Variants in GLI3 observed in about 807,000 individuals in gnomAD.
GLI3 encodes GLI family zinc finger 3, also known as transcription activator GLI3.
A neutral mutation model predicts 100.8 loss-of-function variants in GLI3; 20 were observed. The observed-to-expected ratio is 0.20, with a 90% CI of 0.14 to 0.29. The LOEUF (loss-of-function observed/expected upper bound fraction) is 0.29, where lower values mean the gene tolerates loss of function less well. Among genes scored for constraint, GLI3 ranks in the 10% least tolerant of loss-of-function variants. The pLI is 1.00. For missense variants in GLI3, 2,040 were observed against 2,128.5 expected, an observed-to-expected ratio of 0.96 and a Z score of 0.82; for synonymous variants, 938 against 860.5, an observed-to-expected ratio of 1.09 and a Z score of -1.58.
At chr7:42,100,171 G>C (rs1183878705) in intron 3 of GLI3, among the ~76,000 whole-genome samples, 1 of 152,212 alleles carries the variant, frequency 6.6e-6, no homozygotes, top group African/African-American at 2.4e-5. Context: ...ACAAAGACTT[G>C]GGAGCTGCCC....
chr7:42,000,669 T>C (rs934906706), intron 10 of GLI3, among the ~76,000 whole-genome samples: 14 of 151,952 alleles, frequency 9.2e-5, no homozygotes, highest in African/African-American at 3.1e-4. Context: ...AGCATTCAAG[T>C]GGAGAAGCAT....
At chr7:41,987,095 G>GACACACACACACACAC (rs1323125464) in intron 10 of GLI3, among the ~76,000 whole-genome samples, 1 of 73,252 alleles carries the variant, frequency 1.4e-5, no homozygotes, top group Non-Finnish European at 2.8e-5. Context: ...CACAGACACA[G>GACACACACACACACAC]ACACAGACAC....
At chr7:42,086,195 C>G (rs558595252) in intron 3 of GLI3, among the ~76,000 whole-genome samples, 1 of 152,220 alleles carries the variant, frequency 6.6e-6, no homozygotes, top group South Asian at 2.1e-4. Context: ...TTTAGATTCA[C>G]CTCATTTATT....
chr7:42,153,170 G>C (rs1202311340), intron 2 of GLI3, among the ~76,000 whole-genome samples: 1 of 152,168 alleles, frequency 6.6e-6, no homozygotes, highest in Non-Finnish European at 1.5e-5. Flanking sequence ...TTGAAAGCAA[G>C]CTCTTTCCTT....
chr7:42,025,184 T>C lies in GLI3; in HGVS notation c.1356+80A>G, dbSNP rs143346823. ...ACTGCCGTGAAAAAGACACCAGGTC[T>C]GGGGAGGAAGCGGGAGCTGACCCAA... On this transcript the variant is annotated intron_variant, in intron 9 of 14. Coordinates refer to ENST00000395925, the MANE Select transcript of GLI3 (RefSeq NM_000168.6). 311 of 885,228 alleles carry C rather than the reference T, an allele frequency of 3.5e-4. 4 individuals carry two copies. The African/African-American group carries it at 4.0e-3, about 12-fold the overall frequency. 54.8% of individuals were successfully genotyped at this position (885,228 alleles called of 1,614,324 possible).
chr7:42,206,628 G>A (rs757885309), intron 2 of GLI3, among the ~76,000 whole-genome samples: 4 of 152,064 alleles, frequency 2.6e-5, no homozygotes, highest in African/African-American at 4.8e-5. Flanking sequence ...AGAAAAAATC[G>A]AATAGAAGCC....
At chr7:41,995,099 T>C (rs983237874) in intron 10 of GLI3, among the ~76,000 whole-genome samples, 1 of 152,248 alleles carries the variant, frequency 6.6e-6, no homozygotes, top group Non-Finnish European at 1.5e-5. Context: ...AGTGTCCTGT[T>C]AGTTATTTTA....
chr7:42,079,086 A>G (rs1439115611), intron 3 of GLI3, among the ~76,000 whole-genome samples: 2 of 152,224 alleles, frequency 1.3e-5, no homozygotes, highest in East Asian at 3.8e-4. Flanking sequence ...TTATATTTTA[A>G]GTTTACCACT....
intron 10 of GLI3, among the ~76,000 whole-genome samples, chr7:42,009,057 G>A (rs1788536976): frequency 2.0e-5 from 3 of 152,190 alleles, no homozygotes; most frequent in Admixed American, 2.0e-4. Context: ...CCAGCAGCAC[G>A]ATTCTAGAAA....
intron 10 of GLI3, among the ~76,000 whole-genome samples, chr7:41,992,285 A>G (rs772803029): frequency 6.6e-6 from 1 of 152,228 alleles, no homozygotes; most frequent in African/African-American, 2.4e-5. Flanking sequence ...AGAGAGGAGT[A>G]ACAGGTGATA....
At chr7:42,006,164 C>G (rs1769923138) in intron 10 of GLI3, among the ~76,000 whole-genome samples, 2 of 152,156 alleles carry the variant, frequency 1.3e-5, no homozygotes, top group Admixed American at 6.5e-5. Context: ...GATACCCGAG[C>G]TCGAAGGGCA....
At chr7:42,075,002 T>G (rs1480384381) in intron 4 of GLI3, among the ~76,000 whole-genome samples, 1 of 151,960 alleles carries the variant, frequency 6.6e-6, no homozygotes, top group East Asian at 1.9e-4. Flanking sequence ...ACGAGGATGG[T>G]CCAGATGTGA....
chr7:42,059,532 TAGA>T (rs1784526670), intron 4 of GLI3, among the ~76,000 whole-genome samples: 2 of 151,820 alleles, frequency 1.3e-5, no homozygotes, highest in Admixed American at 6.6e-5. Flanking sequence ...AATTCATTAT[TAGA>T]AGAACTAATA....
At chr7:42,130,243 T>C (rs1287004668) in intron 3 of GLI3, among the ~76,000 whole-genome samples, 1 of 152,110 alleles carries the variant, frequency 6.6e-6, no homozygotes, top group African/African-American at 2.4e-5. Flanking sequence ...GGATGTTCCA[T>C]CCATCCATCC....
chr7:42,243,875 C>T (rs1012543753), intron 1 of GLI3, among the ~76,000 whole-genome samples: 1 of 152,062 alleles, frequency 6.6e-6, no homozygotes, highest in South Asian at 2.1e-4. Context: ...GCTCTGTTGC[C>T]CAGGCTGGAG....
chr7:42,036,265 C>A (rs1358635421), intron 7 of GLI3, among the ~76,000 whole-genome samples: 3 of 152,156 alleles, frequency 2.0e-5, no homozygotes, highest in African/African-American at 7.2e-5. Flanking sequence ...ATACAGATTG[C>A]AACTTTCAGA....
chr7:41,990,151 A>ACAC (rs60974511), intron 10 of GLI3, among the ~76,000 whole-genome samples: 38 of 148,472 alleles, frequency 2.6e-4, no homozygotes, highest in African/African-American at 8.6e-4. Flanking sequence ...ACACACACAC[A>ACAC]ATGACTATCC....
rs1787049532 is a variant in GLI3, at chr7:41,963,040, G to A, written c.*1290C>T. The stretch of plus-strand genomic sequence containing the variant: ...AAGTACAGATCCAGTCCACATTAAG[G>A]ACTAACTGCATGTAACATTTAACTT... On this transcript the variant is annotated 3_prime_UTR_variant, in exon 15 of 15. Coordinates refer to ENST00000395925, the MANE Select transcript of GLI3 (RefSeq NM_000168.6). The A allele has an allele frequency of 6.6e-6, 1 of 152,160 alleles. No individual in the cohort carries two copies. The highest frequency in any genetic ancestry group is 6.6e-5 in the Admixed American group (1 of 15,264). The allele number at this position is 152,160 out of a possible 1,614,324, so 9.4% of individuals were successfully genotyped here. A position where few individuals can be genotyped will look rare whatever the true frequency, so the allele number is the denominator to read the frequency against.
chr7:41,966,132 C>T lies in GLI3; in HGVS notation c.2941G>A (p.Asp981Asn), dbSNP rs746678996. 2 of 1,587,898 alleles carry T rather than the reference C, an allele frequency of 1.3e-6. No homozygotes were observed. The highest frequency in any genetic ancestry group is 1.7e-6 in the Non-Finnish European group (2 of 1,171,706). Residue 981 changes from aspartate (D) to asparagine (N), a missense_variant, in exon 15 of 15, where the codon GAC (aspartate) becomes AAC (asparagine). Coordinates refer to ENST00000395925, the MANE Select transcript of GLI3 (RefSeq NM_000168.6). The surrounding 1 kb of genome is among the most constrained non-coding windows in gnomAD (Gnocchi z 5.8). The stretch of plus-strand genomic sequence containing the variant: ...CGCCCGTAGCCGTGGGCTCCCCCGT[C>T]GCTGCACCTCCTCGGGGCATGAACT... Reference protein sequence around the residue: ...PPVHAPRRCSDGGAHGYGRRH... With the variant: ...PPVHAPRRCSNGGAHGYGRRH...
Sources: allele counts gnomAD v4.1 joint callset (sites outside exome capture counted in the v4.1 genomes callset), GRCh38; gene constraint gnomAD v4.1.1; non-coding constraint Gnocchi (gnomAD v3.1); transcripts MANE v1.5; gene names NCBI Gene and HGNC (gene_info 2026-07-23, HGNC 2026-07-21).